The following CALCR variants were observed in gnomAD, a reference collection of about 807,000 sequenced individuals.
CALCR encodes the protein calcitonin receptor.
A neutral mutation model predicts 59.5 loss-of-function variants in CALCR; 47 were observed. The observed-to-expected ratio is 0.79, with a 90% confidence interval of 0.63 to 1.01. The LOEUF (loss-of-function observed/expected upper bound fraction) is 1.01. Ranked by LOEUF, CALCR falls within the 50% of genes least tolerant of loss-of-function variation. CALCR has a pLI of 0.00. For missense variants in CALCR, 566 were observed against 597.1 expected (o/e 0.95, Z 0.54); for synonymous variants, 213 against 211.3 (o/e 1.01, Z -0.07).
chr7:93,511,032 G>A (rs17794795), intron 2 of CALCR, among the ~76,000 whole-genome samples: 60,920 of 151,452 alleles, frequency 0.4, 13,158 homozygotes, highest in African/African-American at 0.56. Context: ...AATTGAGAGC[G>A]GAAAGAGAAG....
intron 2 of CALCR, among the ~76,000 whole-genome samples, chr7:93,506,511 T>C (rs1801428218): frequency 6.6e-6 from 1 of 152,058 alleles, no homozygotes; most frequent in Non-Finnish European, 1.5e-5. Flanking sequence ...AAAGCAACAA[T>C]CTCCTCACTA....
chr7:93,487,939 C>G (rs1800985910), intron 2 of CALCR, among the ~76,000 whole-genome samples: 1 of 148,936 alleles, frequency 6.7e-6, no homozygotes, highest in Non-Finnish European at 1.5e-5. Flanking sequence ...GAAGATCAAC[C>G]CCAAGACACA....
At chr7:93,532,409 T>G (rs1242263516) in intron 2 of CALCR, among the ~76,000 whole-genome samples, 1 of 152,102 alleles carries the variant, frequency 6.6e-6, no homozygotes, top group Non-Finnish European at 1.5e-5. Flanking sequence ...TGCTGATGTT[T>G]GCTGCTCCTC....
At chr7:93,452,789 G>A (rs1175388073) in intron 8 of CALCR, among the ~76,000 whole-genome samples, 2 of 151,686 alleles carry the variant, frequency 1.3e-5, no homozygotes, top group Non-Finnish European at 2.9e-5. Flanking sequence ...GACAATACCA[G>A]GGCAAACAGA....
rs1799486778 is a variant in CALCR, at chr7:93,424,735, C to A, written c.*1621G>T. 1 of 152,560 alleles carries A rather than the reference C, an allele frequency of 6.6e-6. No homozygotes were observed. Among genetic ancestry groups the A allele is most frequent in the Non-Finnish European group, 1.5e-5 (1 of 67,992 alleles). 9.5% of individuals were successfully genotyped at this position (152,560 alleles called of 1,614,324 possible). A position where few individuals can be genotyped will look rare whatever the true frequency, so the allele number is the denominator to read the frequency against. ...TTGTACCACAGCTGCCAGAAATACT[C>A]TGTTTTCCATGTTTGTAAACAAAAA... On this transcript the variant is annotated 3_prime_UTR_variant, in exon 14 of 14. Transcript: ENST00000426151.
intron 2 of CALCR, among the ~76,000 whole-genome samples, chr7:93,553,287 G>A (rs1391571201): frequency 6.6e-6 from 1 of 152,100 alleles, no homozygotes; most frequent in African/African-American, 2.4e-5. Flanking sequence ...GGTTCAATAT[G>A]TCAAAGAGTT....
intron 2 of CALCR, among the ~76,000 whole-genome samples, chr7:93,498,808 A>AT (rs1801263374): frequency 6.6e-6 from 1 of 151,726 alleles, no homozygotes; most frequent in South Asian, 2.1e-4. Flanking sequence ...TGGAAATTGA[A>AT]TTATCAGAAG....
intron 8 of CALCR, among the ~76,000 whole-genome samples, chr7:93,452,233 C>T (rs1227054534): frequency 6.6e-6 from 1 of 151,994 alleles, no homozygotes; most frequent in East Asian, 1.9e-4. Flanking sequence ...AGAGTCTCCT[C>T]AGTACTTGTT....
intron 6 of CALCR, among the ~76,000 whole-genome samples, chr7:93,471,299 C>T (rs1343072993): frequency 6.6e-6 from 1 of 151,760 alleles, no homozygotes; most frequent in African/African-American, 2.4e-5. Context: ...ATTAATCAGA[C>T]TTTATTAACA....
chr7:93,471,494 A>C (rs1373444046), intron 6 of CALCR, among the ~76,000 whole-genome samples: 1 of 151,852 alleles, frequency 6.6e-6, no homozygotes, highest in Non-Finnish European at 1.5e-5. Context: ...AATAAAAGAA[A>C]ACTTTTCTAC....
intron 2 of CALCR, among the ~76,000 whole-genome samples, chr7:93,512,014 T>C (rs536042840): frequency 1.3e-5 from 2 of 152,258 alleles, no homozygotes; most frequent in Non-Finnish European, 2.9e-5. Context: ...TTTAATTTCC[T>C]CCAGTTGGAA....
chr7:93,493,384 T>C (rs10488544), intron 2 of CALCR, among the ~76,000 whole-genome samples: 26,870 of 151,346 alleles, frequency 0.18, 5,840 homozygotes, highest in African/African-American at 0.51. Context: ...ATGAGAAAGT[T>C]GGGATCATTC....
chr7:93,525,856 G>A (rs1202318457), intron 2 of CALCR, among the ~76,000 whole-genome samples: 1 of 151,990 alleles, frequency 6.6e-6, no homozygotes, highest in Non-Finnish European at 1.5e-5. Context: ...GACTGATTTT[G>A]GAAAAAAAAT....
chr7:93,473,886 G>A (rs1800609939), intron 5 of CALCR, among the ~76,000 whole-genome samples: 1 of 151,538 alleles, frequency 6.6e-6, no homozygotes, highest in Non-Finnish European at 1.5e-5. Context: ...AAGCCTTGCT[G>A]CTTTTTTTAT....
chr7:93,499,963 T>C (rs1359221744), intron 2 of CALCR, among the ~76,000 whole-genome samples: 3 of 151,820 alleles, frequency 2.0e-5, no homozygotes, highest in Non-Finnish European at 2.9e-5. Flanking sequence ...CACACACTGT[T>C]GAAAAAATCC....
chr7:93,438,597 G>T (rs1458834501), intron 9 of CALCR, among the ~76,000 whole-genome samples: 1 of 152,170 alleles, frequency 6.6e-6, no homozygotes, highest in African/African-American at 2.4e-5. Flanking sequence ...AGACCAGAAA[G>T]CCTTTCATTG....
chr7:93,478,463 A>C (rs868376587), intron 4 of CALCR, among the ~76,000 whole-genome samples: 3 of 151,780 alleles, frequency 2.0e-5, no homozygotes, highest in East Asian at 2.0e-4. Context: ...GCACTTTGGG[A>C]ACCTCTCCTG....
chr7:93,564,882 G>A (rs1253991472), intron 2 of CALCR, among the ~76,000 whole-genome samples: 3 of 152,152 alleles, frequency 2.0e-5, no homozygotes, highest in Non-Finnish European at 4.4e-5. Context: ...GGAGTTTAGA[G>A]AGATATTGTG....
intron 5 of CALCR, among the ~76,000 whole-genome samples, chr7:93,476,616 C>G (rs966312478): frequency 1.3e-5 from 2 of 151,778 alleles, no homozygotes; most frequent in Non-Finnish European, 1.5e-5. Flanking sequence ...CAAAACCTTG[C>G]CTTGTAGTCA....
Sources: gnomAD v4.1 joint callset for allele counts (sites outside exome capture counted in the v4.1 genomes callset) on GRCh38, gnomAD v4.1.1 for gene constraint, MANE v1.5 for transcripts, NCBI Gene and HGNC (gene_info 2026-07-23, HGNC 2026-07-21) for gene names.